Variants in SNTB1 observed in about 807,000 individuals in gnomAD.
The protein encoded by SNTB1 is syntrophin beta 1.
SNTB1 carries 36 observed loss-of-function variants against 48.9 expected under a neutral mutation model. The observed-to-expected ratio is 0.74, with a 90% CI of 0.56 to 0.97. The LOEUF (loss-of-function observed/expected upper bound fraction) is 0.97, where lower values mean the gene tolerates loss of function less well. SNTB1 is among the 50% of genes least tolerant of loss of function. SNTB1 has a pLI of 0.00. For missense variants in SNTB1, 786 were observed against 703.4 expected (o/e 1.12, Z -1.33); for synonymous variants, 299 against 294.6 (o/e 1.01, Z -0.15).
At chr8:120,654,038 T>TGAAAAA (rs1817455516) in intron 2 of SNTB1, among the ~76,000 whole-genome samples, 1 of 4,686 alleles carries the variant, frequency 2.1e-4, no homozygotes, top group African/African-American at 4.2e-4. Flanking sequence ...AGACTCTGCC[T>TGAAAAA]CAAAAAAAAA....
At chr8:120,610,972 C>A (rs1362885488) in intron 3 of SNTB1, among the ~76,000 whole-genome samples, 1 of 152,074 alleles carries the variant, frequency 6.6e-6, no homozygotes, top group Non-Finnish European at 1.5e-5. Flanking sequence ...CTCAAGATTC[C>A]AAGACCCCAA....
intron 1 of SNTB1, among the ~76,000 whole-genome samples, chr8:120,768,327 T>TA (rs1819561818): frequency 6.6e-6 from 1 of 152,216 alleles, no homozygotes; most frequent in Non-Finnish European, 1.5e-5. Context: ...GATTGGTGCA[T>TA]GGCAGCCCAT....
chr8:120,563,029 G>A (rs2130670058), intron 4 of SNTB1, among the ~76,000 whole-genome samples: 1 of 152,118 alleles, frequency 6.6e-6, no homozygotes, highest in South Asian at 2.1e-4. Context: ...CCCTTTCAAG[G>A]CAACCCCACA....
chr8:120,746,595 C>T (rs989566228), intron 1 of SNTB1, among the ~76,000 whole-genome samples: 1 of 152,178 alleles, frequency 6.6e-6, no homozygotes, highest in African/African-American at 2.4e-5. Context: ...CCTACCCCAG[C>T]TTTAGCTTTT....
At chr8:120,603,380 C>T (rs886793259) in intron 3 of SNTB1, among the ~76,000 whole-genome samples, 9 of 152,322 alleles carry the variant, frequency 5.9e-5, no homozygotes, top group African/African-American at 1.9e-4. Flanking sequence ...GGATTACAGG[C>T]GTGAGCCACC....
chr8:120,565,013 C>A (rs368573387), intron 4 of SNTB1, among the ~76,000 whole-genome samples: 27 of 152,296 alleles, frequency 1.8e-4, no homozygotes, highest in African/African-American at 6.3e-4. Flanking sequence ...TGTTTTCTCT[C>A]TCTACCAGCA....
chr8:120,759,363 A>G (rs1563592714), intron 1 of SNTB1, among the ~76,000 whole-genome samples: 2 of 152,224 alleles, frequency 1.3e-5, no homozygotes, highest in Non-Finnish European at 2.9e-5. Flanking sequence ...ATAAATGTTT[A>G]GGAAACTCTC....
At chr8:120,754,574 T>A (rs1476071413) in intron 1 of SNTB1, among the ~76,000 whole-genome samples, 1 of 152,194 alleles carries the variant, frequency 6.6e-6, no homozygotes, top group Non-Finnish European at 1.5e-5. Context: ...AAAGTGGGGA[T>A]AAGAATTGTT....
chr8:120,679,468 T>G (rs1817893177), intron 2 of SNTB1, among the ~76,000 whole-genome samples: 1 of 152,156 alleles, frequency 6.6e-6, no homozygotes, highest in Admixed American at 6.5e-5. Context: ...ACCAGTGCAG[T>G]AAGCTAACTA....
chr8:120,777,994 T>C (rs918501634), intron 1 of SNTB1, among the ~76,000 whole-genome samples: 2 of 152,258 alleles, frequency 1.3e-5, no homozygotes, highest in African/African-American at 4.8e-5. Context: ...TTCTCCAGTC[T>C]GAAAACCTTT....
chr8:120,795,192 ATTAGT>A (rs1820102787), intron 1 of SNTB1, among the ~76,000 whole-genome samples: 1 of 152,036 alleles, frequency 6.6e-6, no homozygotes, highest in South Asian at 2.1e-4. Context: ...AAATCTATTA[ATTAGT>A]TCAGTTGCAT....
intron 3 of SNTB1, among the ~76,000 whole-genome samples, chr8:120,608,220 A>G (rs1424322893): frequency 2.0e-5 from 3 of 152,224 alleles, no homozygotes; most frequent in African/African-American, 7.2e-5. Flanking sequence ...ATTGCAAAAG[A>G]TAAAAATTCT....
At chr8:120,583,104 AAAT>A (rs1816075459) in intron 3 of SNTB1, among the ~76,000 whole-genome samples, 1 of 152,152 alleles carries the variant, frequency 6.6e-6, no homozygotes, top group Admixed American at 6.5e-5. Flanking sequence ...TCCTCTTTAT[AAAT>A]AATAATATTA....
intron 2 of SNTB1, among the ~76,000 whole-genome samples, chr8:120,672,388 CACTCCACCAAAGAA>C: frequency 6.6e-6 from 1 of 152,200 alleles, no homozygotes; most frequent in Non-Finnish European, 1.5e-5. Flanking sequence ...ATGTTTCTTG[CACTCCACCAAAGAA>C]ATAAACAAAT....
At chr8:120,657,585 G>A (rs2129738077) in intron 2 of SNTB1, among the ~76,000 whole-genome samples, 1 of 152,186 alleles carries the variant, frequency 6.6e-6, no homozygotes, top group East Asian at 1.9e-4. Context: ...CCAAAAATAG[G>A]CCACTTTATC....
intron 3 of SNTB1, among the ~76,000 whole-genome samples, chr8:120,588,415 T>C (rs1206053492): frequency 6.6e-6 from 1 of 151,728 alleles, no homozygotes; most frequent in Non-Finnish European, 1.5e-5. Flanking sequence ...AAAACAAGAA[T>C]TGATTTTAGA....
intron 1 of SNTB1, among the ~76,000 whole-genome samples, chr8:120,794,113 C>T (rs961701643): frequency 6.6e-6 from 1 of 151,960 alleles, no homozygotes; most frequent in African/African-American, 2.4e-5. Flanking sequence ...AAGGAATGGG[C>T]AGAGATGGTG....
chr8:120,790,103 G>A (rs1368350460), intron 1 of SNTB1, among the ~76,000 whole-genome samples: 3 of 151,852 alleles, frequency 2.0e-5, no homozygotes, highest in Non-Finnish European at 2.9e-5. Flanking sequence ...GTCAATAAAT[G>A]GGATTTATCA....
At chr8:120,553,369 C>A (rs1172709155) in intron 4 of SNTB1, among the ~76,000 whole-genome samples, 3 of 152,140 alleles carry the variant, frequency 2.0e-5, no homozygotes, top group African/African-American at 7.2e-5. Context: ...CTTAATGAAA[C>A]GTATAGTACT....
Sources: gnomAD v4.1 joint callset for allele counts (sites outside exome capture counted in the v4.1 genomes callset) on GRCh38, gnomAD v4.1.1 for gene constraint, MANE v1.5 for transcripts, NCBI Gene and HGNC (gene_info 2026-07-23, HGNC 2026-07-21) for gene names.